The following INPP4B variants were observed in gnomAD, a reference collection of about 807,000 sequenced individuals.
INPP4B encodes inositol polyphosphate-4-phosphatase type II B, also known as inositol polyphosphate 4-phosphatase type II.
INPP4B carries 55 observed loss-of-function variants against 122.5 expected under a neutral mutation model. The ratio of observed to expected loss-of-function variants is 0.45; its 90% CI spans 0.36 to 0.56. The LOEUF is 0.56. Ranked by LOEUF, INPP4B falls within the 20% of genes least tolerant of loss-of-function variation. The pLI is 0.00. For synonymous variants in INPP4B, 403 were observed against 388.7 expected (o/e 1.04, Z -0.43); for missense variants, 1,000 against 1,097.7 (o/e 0.91, Z 1.26).
At chr4:142,081,372 A>C (rs1017370751) in intron 25 of INPP4B, among the ~76,000 whole-genome samples, 20 of 152,154 alleles carry the variant, frequency 1.3e-4, no homozygotes, top group African/African-American at 3.9e-4. Context: ...TTTCCTTCCC[A>C]TTACGGCTTA....
At chr4:142,190,206 T>G (rs1835144464) in intron 15 of INPP4B, among the ~76,000 whole-genome samples, 1 of 24,336 alleles carries the variant, frequency 4.1e-5, no homozygotes, top group African/African-American at 8.3e-5. Context: ...TGTTTATTTT[T>G]GTTTTTTTTT....
At chr4:142,295,981 A>G (rs1031439506) in intron 9 of INPP4B, among the ~76,000 whole-genome samples, 4 of 152,206 alleles carry the variant, frequency 2.6e-5, no homozygotes, top group African/African-American at 9.6e-5. Flanking sequence ...TTTCAGGCCT[A>G]ATCATTCCTG....
chr4:142,779,205 G>T (rs6852570), intron 1 of INPP4B, among the ~76,000 whole-genome samples: 67,394 of 151,700 alleles, frequency 0.44, 16,669 homozygotes, highest in African/African-American at 0.67. Flanking sequence ...TGAGAAAATT[G>T]TATAAATGCC....
chr4:142,842,409 G>C (rs776100928), intron 1 of INPP4B, among the ~76,000 whole-genome samples: 34 of 149,700 alleles, frequency 2.3e-4, no homozygotes, highest in Non-Finnish European at 3.9e-4. Context: ...TAAAGTTCTG[G>C]CTCCTAGATA....
intron 2 of INPP4B, among the ~76,000 whole-genome samples, chr4:142,510,027 T>C (rs1580245358): frequency 6.6e-6 from 1 of 152,204 alleles, no homozygotes. Context: ...GCAAACTATC[T>C]CTTCCAACAC....
chr4:142,198,897 T>G (rs1381811763), intron 14 of INPP4B, among the ~76,000 whole-genome samples: 1 of 152,034 alleles, frequency 6.6e-6, no homozygotes, highest in Non-Finnish European at 1.5e-5. Context: ...CTTCCCTCCT[T>G]CATTTTTCTG....
chr4:142,751,960 A>T (rs1374919946), intron 1 of INPP4B, among the ~76,000 whole-genome samples: 1 of 152,110 alleles, frequency 6.6e-6, no homozygotes. Context: ...CATATCTTGT[A>T]TACAACCACT....
intron 11 of INPP4B, among the ~76,000 whole-genome samples, chr4:142,251,270 A>G (rs1207736992): frequency 1.3e-5 from 2 of 152,190 alleles, no homozygotes; most frequent in Admixed American, 6.5e-5. Context: ...TCTTATAATT[A>G]TAGTATAGAT....
chr4:142,625,377 T>A (rs1486446988), intron 2 of INPP4B, among the ~76,000 whole-genome samples: 1 of 152,156 alleles, frequency 6.6e-6, no homozygotes, highest in African/African-American at 2.4e-5. Flanking sequence ...GAACTCCCAT[T>A]CACAATTGCT....
At chr4:142,669,848 C>A (rs757516495) in intron 2 of INPP4B, among the ~76,000 whole-genome samples, 4 of 152,044 alleles carry the variant, frequency 2.6e-5, no homozygotes, top group Admixed American at 1.3e-4. Flanking sequence ...AAGTGTTGGC[C>A]AGAAGATGGA....
chr4:142,398,020 A>AT (rs1799914250), intron 7 of INPP4B, among the ~76,000 whole-genome samples: 1 of 151,814 alleles, frequency 6.6e-6, no homozygotes, highest in Non-Finnish European at 1.5e-5. Flanking sequence ...TAGAATACCA[A>AT]TTTTTTCATC....
At position 142,317,852 on chromosome 4, in the gene INPP4B, T is replaced by C. The variant is rs1768334632; in HGVS notation, c.373-3090A>G. The stretch of plus-strand genomic sequence containing the variant: ...GAAATAGTAAGTATTCTGTTGATGC[T>C]ATTGGGGCCCTGCAGGAAATGGCAG... On this transcript the variant is annotated intron_variant, in intron 7 of 25. Coordinates refer to ENST00000262992, the MANE Select transcript of INPP4B (RefSeq NM_001101669.3). Among the ~76,000 whole-genome samples the C allele has an allele frequency of 3.3e-5, 5 of 152,310 alleles. No individual in the cohort carries two copies. In the South Asian group the frequency reaches 8.3e-4, roughly 25 times the overall value.
At chr4:142,142,922 C>T (rs547884186) in intron 18 of INPP4B, among the ~76,000 whole-genome samples, 1 of 152,048 alleles carries the variant, frequency 6.6e-6, no homozygotes, top group African/African-American at 2.4e-5. Context: ...ATTACAGGCC[C>T]TTAGAGATCA....
At chr4:142,477,398 G>A (rs1463439441) in intron 2 of INPP4B, among the ~76,000 whole-genome samples, 1 of 151,570 alleles carries the variant, frequency 6.6e-6, no homozygotes, top group African/African-American at 2.4e-5. Flanking sequence ...AGAAATAAGA[G>A]CAAACCAACC....
At chr4:142,740,974 A>G (rs758005977) in intron 1 of INPP4B, among the ~76,000 whole-genome samples, 16 of 152,040 alleles carry the variant, frequency 1.1e-4, no homozygotes, top group Non-Finnish European at 1.8e-4. Context: ...GCAATCCAAA[A>G]TTACACAACC....
intron 12 of INPP4B, among the ~76,000 whole-genome samples, chr4:142,233,353 A>G (rs1457098951): frequency 1.3e-5 from 2 of 152,198 alleles, no homozygotes; most frequent in African/African-American, 4.8e-5. Flanking sequence ...TATTTATGTT[A>G]AAATTTCAGA....
At chr4:142,268,453 GCTC>G (rs1744103748) in intron 10 of INPP4B, among the ~76,000 whole-genome samples, 1 of 151,144 alleles carries the variant, frequency 6.6e-6, no homozygotes, top group African/African-American at 2.4e-5. Flanking sequence ...CAATACGGAG[GCTC>G]CTCAGAAAAC....
At chr4:142,135,525 G>A (rs1466895899) in intron 18 of INPP4B, among the ~76,000 whole-genome samples, 2 of 152,212 alleles carry the variant, frequency 1.3e-5, no homozygotes, top group East Asian at 3.9e-4. Flanking sequence ...GGCTGGAGCA[G>A]TGACCCCCTT....
At chr4:142,035,736 T>G (rs1001876420) in intron 25 of INPP4B, among the ~76,000 whole-genome samples, 2 of 152,200 alleles carry the variant, frequency 1.3e-5, no homozygotes, top group East Asian at 3.9e-4. Flanking sequence ...GTGGTCTGGT[T>G]GCAAAGAATA....
Sources: allele counts gnomAD v4.1 joint callset (sites outside exome capture counted in the v4.1 genomes callset), GRCh38; gene constraint gnomAD v4.1.1; transcripts MANE v1.5; gene names NCBI Gene and HGNC (gene_info 2026-07-23, HGNC 2026-07-21).